CMSS1: variants seen among roughly 807,000 people sequenced by gnomAD.
CMSS1 encodes the protein cms1 ribosomal small subunit homolog.
Under a neutral mutation model 43.5 loss-of-function variants are expected in CMSS1, and 33 were observed. The observed-to-expected ratio is 0.76, with a 90% CI of 0.57 to 1.01. The LOEUF is 1.01. Among genes scored for constraint, CMSS1 ranks in the 50% least tolerant of loss-of-function variants. CMSS1 has a pLI of 0.00. For synonymous variants in CMSS1, 115 were observed against 117.2 expected (o/e 0.98, Z 0.12); for missense variants, 313 against 326.4 (o/e 0.96, Z 0.32).
intron 1 of CMSS1, among the ~76,000 whole-genome samples, chr3:100,137,441 T>G (rs1559768426): frequency 6.6e-6 from 1 of 152,128 alleles, no homozygotes; most frequent in Non-Finnish European, 1.5e-5. Flanking sequence ...ATGAAATATG[T>G]AAATAAAAAT....
chr3:100,129,106 G>A (rs1423593779), intron 1 of CMSS1, among the ~76,000 whole-genome samples: 6 of 152,064 alleles, frequency 3.9e-5, no homozygotes, highest in African/African-American at 9.7e-5. Flanking sequence ...CCCCTAGCCC[G>A]TACCTCACAC....
intron 1 of CMSS1, 81 bp from the exon 2 acceptor site, chr3:100,146,892 C>T: frequency 6.6e-7 from 1 of 1,514,094 alleles, no homozygotes. Flanking sequence ...AGAGATAGAA[C>T]CTTCTAGAAA....
chr3:100,047,872 G>A lies in CMSS1; in HGVS notation c.65-99101G>A, dbSNP rs545005481. ...CATTTTTGGTTGTCAAAATGACAGG[G>A]TGGGCGAAAAATGATAGGATGGAGG... is the stretch of plus-strand genomic sequence containing the variant. On this transcript the variant is annotated intron_variant, in intron 1 of 9. Transcript: ENST00000421999. Among the ~76,000 whole-genome samples the A allele has an allele frequency of 5.9e-5, 9 of 152,240 alleles. No individual in the cohort carries two copies. The South Asian group carries it at 1.5e-3, about 25-fold the overall frequency.
chr3:100,139,629 A>G (rs1393859028), intron 1 of CMSS1, among the ~76,000 whole-genome samples: 4 of 149,850 alleles, frequency 2.7e-5, no homozygotes, highest in Admixed American at 6.7e-5. Flanking sequence ...ATATATATAT[A>G]TACACACACA....
chr3:99,849,596 C>G (rs1186042388), intron 1 of CMSS1: 2 of 1,613,412 alleles, frequency 1.2e-6, no homozygotes, highest in Non-Finnish European at 1.7e-6. Context: ...TGGCTGGTCT[C>G]TGTCTTTTCT....
chr3:99,878,829 C>T (rs150598567), intron 1 of CMSS1, among the ~76,000 whole-genome samples: 4 of 152,304 alleles, frequency 2.6e-5, no homozygotes, highest in Admixed American at 2.6e-4. Context: ...TGGCATTGTG[C>T]GCCATTGGCC....
chr3:99,876,270 G>T, intron 1 of CMSS1: 2 of 951,328 alleles, frequency 2.1e-6, no homozygotes, highest in Non-Finnish European at 2.5e-6. Context: ...GGGGGCGCCG[G>T]TGACCGCGGG....
intron 1 of CMSS1, among the ~76,000 whole-genome samples, chr3:99,863,625 A>G (rs1352894283): frequency 6.6e-6 from 1 of 152,164 alleles, no homozygotes; most frequent in Non-Finnish European, 1.5e-5. Context: ...TTTTCAGTCT[A>G]TTTTGTGTAC....
intron 1 of CMSS1, among the ~76,000 whole-genome samples, chr3:99,938,277 A>G (rs181274456): frequency 2.0e-5 from 3 of 152,284 alleles, no homozygotes; most frequent in East Asian, 3.9e-4. Context: ...GCACTACACT[A>G]TTTTTTAATT....
chr3:100,103,927 C>T (rs571704710), intron 1 of CMSS1, among the ~76,000 whole-genome samples: 1 of 152,298 alleles, frequency 6.6e-6, no homozygotes, highest in South Asian at 2.1e-4. Context: ...GAGCACGGGT[C>T]TGCCAAGGTT....
intron 1 of CMSS1, among the ~76,000 whole-genome samples, chr3:99,914,217 A>G (rs1048016124): frequency 5.3e-5 from 8 of 152,138 alleles, no homozygotes; most frequent in Admixed American, 4.6e-4. Context: ...CTGGATTTGG[A>G]CTCTAAGACT....
intron 1 of CMSS1, among the ~76,000 whole-genome samples, chr3:100,016,554 G>A (rs572495089): frequency 6.6e-6 from 1 of 152,136 alleles, no homozygotes; most frequent in Non-Finnish European, 1.5e-5. Flanking sequence ...AGGGTGCCTT[G>A]CTGAAACTTC....
chr3:99,820,353 C>T (rs1942411962), intron 1 of CMSS1, among the ~76,000 whole-genome samples: 1 of 151,866 alleles, frequency 6.6e-6, no homozygotes, highest in South Asian at 2.1e-4. Flanking sequence ...CCTGCCACCA[C>T]CCCCAGCTAA....
chr3:100,131,358 A>G (rs1200337068), intron 1 of CMSS1, among the ~76,000 whole-genome samples: 1 of 152,194 alleles, frequency 6.6e-6, no homozygotes, highest in African/African-American at 2.4e-5. Context: ...GTGATAAACG[A>G]TGTCTACCAC....
At chr3:99,935,150 G>A (rs921237867) in intron 1 of CMSS1, among the ~76,000 whole-genome samples, 4 of 151,956 alleles carry the variant, frequency 2.6e-5, no homozygotes, top group African/African-American at 9.7e-5. Context: ...TATTATCAGT[G>A]ACTTCATTGT....
At chr3:100,057,527 C>A (rs1470940433) in intron 1 of CMSS1, among the ~76,000 whole-genome samples, 1 of 152,156 alleles carries the variant, frequency 6.6e-6, no homozygotes, top group Non-Finnish European at 1.5e-5. Context: ...TTGTGTTCTG[C>A]GTCTTATTAA....
chr3:100,055,658 AT>A (rs2065452455), intron 1 of CMSS1, among the ~76,000 whole-genome samples: 1 of 152,224 alleles, frequency 6.6e-6, no homozygotes, highest in Non-Finnish European at 1.5e-5. Context: ...GCATTTTCAC[AT>A]TTATATTTTA....
chr3:100,045,174 A>G (rs1157185977), intron 1 of CMSS1, among the ~76,000 whole-genome samples: 1 of 152,264 alleles, frequency 6.6e-6, no homozygotes, highest in East Asian at 1.9e-4. Flanking sequence ...AAAGCTGCGA[A>G]TATGACCTCT....
chr3:99,965,521 T>C (rs780708992), intron 1 of CMSS1, among the ~76,000 whole-genome samples: 14 of 152,044 alleles, frequency 9.2e-5, no homozygotes, highest in Non-Finnish European at 1.9e-4. Context: ...TCCAGATACT[T>C]TTCTTCATTT....
Sources: gnomAD v4.1 joint callset for allele counts (sites outside exome capture counted in the v4.1 genomes callset) on GRCh38, gnomAD v4.1.1 for gene constraint, MANE v1.5 for transcripts, NCBI Gene and HGNC (gene_info 2026-07-23, HGNC 2026-07-21) for gene names.